The following ST8SIA4 variants were observed in gnomAD, a reference collection of about 807,000 sequenced individuals.
The protein encoded by ST8SIA4 is ST8 alpha-N-acetyl-neuraminide alpha-2,8-sialyltransferase 4, also known as CMP-N-acetylneuraminate-poly-alpha-2,8-sialyltransferase.
ST8SIA4 carries 15 observed loss-of-function variants against 33.9 expected under a neutral mutation model. That is an observed-to-expected ratio of 0.44 (90% CI 0.30 to 0.68). The LOEUF (loss-of-function observed/expected upper bound fraction) is 0.68. ST8SIA4 is among the 30% of genes least tolerant of loss of function. The pLI, the probability that ST8SIA4 is intolerant of heterozygous loss-of-function variation, is 0.10. For missense variants in ST8SIA4, 321 were observed against 428.0 expected (o/e 0.75, Z 2.21); for synonymous variants, 171 against 151.2 (o/e 1.13, Z -0.96).
At chr5:100,902,402 A>G (rs1243623590) in intron 1 of ST8SIA4, among the ~76,000 whole-genome samples, 1 of 152,094 alleles carries the variant, frequency 6.6e-6, no homozygotes, top group Admixed American at 6.5e-5. Context: ...GAGTATACCT[A>G]TTTCCTGCTT....
chr5:100,903,046 A>G lies in ST8SIA4; in HGVS notation c.-91T>C. ...TTTTGGGGAGATAGTCGCGGGGGTG[A>G]AATCTGTAAAATGCGAGGAGAGCTT... is the stretch of plus-strand genomic sequence containing the variant. On this transcript the variant is annotated 5_prime_UTR_variant, in exon 1 of 5. Coordinates refer to ENST00000231461, the MANE Select transcript of ST8SIA4 (RefSeq NM_005668.6). The G allele has an allele frequency of 1.1e-6, 1 of 877,532 alleles. No individual in the cohort carries two copies. The allele number at this position is 877,532 out of a possible 1,614,324, so 54.4% of individuals were successfully genotyped here.
At chr5:100,887,938 G>A (rs941585204) in intron 2 of ST8SIA4, among the ~76,000 whole-genome samples, 1 of 151,936 alleles carries the variant, frequency 6.6e-6, no homozygotes, top group African/African-American at 2.4e-5. Context: ...AAATGTTCCT[G>A]TAACCCCAAT....
intron 1 of ST8SIA4, among the ~76,000 whole-genome samples, chr5:100,899,630 CA>C (rs1752856392): frequency 6.6e-6 from 1 of 152,074 alleles, no homozygotes; most frequent in South Asian, 2.1e-4. Flanking sequence ...TAGTGTGTAG[CA>C]AGATTTAAGG....
chr5:100,884,954 T>A (rs575251677), intron 3 of ST8SIA4, among the ~76,000 whole-genome samples: 2 of 148,578 alleles, frequency 1.3e-5, no homozygotes, highest in Admixed American at 6.7e-5. Context: ...TAAAATTCCC[T>A]ATTGCGATTG....
intron 4 of ST8SIA4, among the ~76,000 whole-genome samples, chr5:100,828,787 AT>A (rs1309078956): frequency 6.6e-6 from 1 of 152,114 alleles, no homozygotes; most frequent in Admixed American, 6.5e-5. Flanking sequence ...GTAAACTACT[AT>A]TTTTTAATAC....
chr5:100,819,513 A>G (rs1332772298), intron 4 of ST8SIA4, among the ~76,000 whole-genome samples: 1 of 152,232 alleles, frequency 6.6e-6, no homozygotes, highest in Non-Finnish European at 1.5e-5. Flanking sequence ...GGCTGATTTC[A>G]AGCTACCAAC....
At position 100,811,723 on chromosome 5, in the gene ST8SIA4, G is replaced by T. The variant is rs1041678270; in HGVS notation, c.*124C>A. The T allele has an allele frequency of 4.2e-6, 4 of 947,194 alleles. No homozygotes were observed. The African/African-American group carries it at 6.6e-5, about 16-fold the overall frequency. The allele number at this position is 947,194 out of a possible 1,614,324, so 58.7% of individuals were successfully genotyped here. The stretch of plus-strand genomic sequence containing the variant: ...AGCTGGTAGTCGATTTCTCATGAAC[G>T]TCCTTTATTCACCTTTCAGTTCATT... On this transcript the variant is annotated 3_prime_UTR_variant, in exon 5 of 5. Coordinates refer to ENST00000231461, the MANE Select transcript of ST8SIA4 (RefSeq NM_005668.6).
At chr5:100,836,959 TAA>T in intron 4 of ST8SIA4, among the ~76,000 whole-genome samples, 1 of 151,206 alleles carries the variant, frequency 6.6e-6, no homozygotes, top group Non-Finnish European at 1.5e-5. Flanking sequence ...ATAGGAACTC[TAA>T]AGGAAGTCTA....
At chr5:100,893,241 A>AT (rs529378575) in intron 2 of ST8SIA4, among the ~76,000 whole-genome samples, 232 of 152,216 alleles carry the variant, frequency 1.5e-3, no homozygotes, top group Non-Finnish European at 2.7e-3. Context: ...CATATTCTAA[A>AT]TTTTTTTATT....
At chr5:100,849,216 C>A (rs1480888329) in intron 4 of ST8SIA4, 14 of 985,036 alleles carry the variant, frequency 1.4e-5, no homozygotes, top group Non-Finnish European at 1.6e-5. Context: ...AAGTTCAGAA[C>A]CAGTGATTCT....
At chr5:100,849,815 A>C (rs1274072318) in intron 4 of ST8SIA4, among the ~76,000 whole-genome samples, 1 of 152,152 alleles carries the variant, frequency 6.6e-6, no homozygotes, top group Non-Finnish European at 1.5e-5. Flanking sequence ...CCCAAAAAAC[A>C]AAAATAAACA....
chr5:100,900,404 A>G (rs1285791293), intron 1 of ST8SIA4: 1 of 456,118 alleles, frequency 2.2e-6, no homozygotes, highest in African/African-American at 2.0e-5. Flanking sequence ...TGGCTTGGGT[A>G]GAAAGACAGT....
At chr5:100,845,747 AT>A (rs1358590104) in intron 4 of ST8SIA4, among the ~76,000 whole-genome samples, 2 of 152,016 alleles carry the variant, frequency 1.3e-5, no homozygotes, top group Admixed American at 6.6e-5. Context: ...CAGCTAAAAT[AT>A]TTTTAGTAAC....
chr5:100,839,544 A>G (rs1475213272), intron 4 of ST8SIA4, among the ~76,000 whole-genome samples: 1 of 151,986 alleles, frequency 6.6e-6, no homozygotes. Context: ...AAAGGCAATT[A>G]ATTTAGTTGT....
chr5:100,857,588 T>C (rs1275019104), intron 3 of ST8SIA4, among the ~76,000 whole-genome samples: 1 of 152,050 alleles, frequency 6.6e-6, no homozygotes, highest in East Asian at 1.9e-4. Context: ...TTTTTCTGCA[T>C]TTTTGCATGT....
intron 3 of ST8SIA4, among the ~76,000 whole-genome samples, chr5:100,867,962 C>A (rs1045006722): frequency 6.6e-6 from 1 of 151,952 alleles, no homozygotes; most frequent in African/African-American, 2.4e-5. Context: ...GGGGATCATT[C>A]TCAAGCTCTA....
chr5:100,867,666 G>A (rs1183761814), intron 3 of ST8SIA4, among the ~76,000 whole-genome samples: 4 of 151,556 alleles, frequency 2.6e-5, no homozygotes, highest in Non-Finnish European at 4.4e-5. Flanking sequence ...TAACTTTCTT[G>A]CTTAAATAAA....
intron 3 of ST8SIA4, among the ~76,000 whole-genome samples, chr5:100,884,413 G>A (rs1251470120): frequency 6.6e-6 from 1 of 152,130 alleles, no homozygotes; most frequent in Non-Finnish European, 1.5e-5. Context: ...GAATAAGAGA[G>A]GTGGACAGAA....
In ST8SIA4 at chr5:100,834,624, G is replaced by A. The variant is rs553287441; in HGVS notation, c.797+21479C>T. Among the ~76,000 whole-genome samples the A allele has an allele frequency of 1.1e-4, 16 of 152,172 alleles. No homozygotes were observed. In the South Asian group the frequency reaches 2.3e-3, roughly 22 times the overall value. ...TGTTGAGATGTCAGCCTCAACATTGGATGTGGGGCCTTGTGAGAGGTGATT... is the reference window on the plus strand; with the variant it reads ...TGTTGAGATGTCAGCCTCAACATTGAATGTGGGGCCTTGTGAGAGGTGATT... On this transcript the variant is annotated intron_variant, in intron 4 of 4. Transcript: ENST00000231461.
Sources: gnomAD v4.1 joint callset for allele counts (sites outside exome capture counted in the v4.1 genomes callset) on GRCh38, gnomAD v4.1.1 for gene constraint, MANE v1.5 for transcripts, NCBI Gene and HGNC (gene_info 2026-07-23, HGNC 2026-07-21) for gene names.